Variants in RUFY4 observed in about 807,000 individuals in gnomAD.
RUFY4 encodes the protein RUN and FYVE domain containing 4.
A neutral mutation model predicts 69.0 loss-of-function variants in RUFY4; 73 were observed. That is an observed-to-expected ratio of 1.06 (90% CI 0.88 to 1.29). RUFY4 has a LOEUF of 1.29. Ranked by LOEUF, RUFY4 falls within the 50% of genes most tolerant of loss-of-function variation. RUFY4 has a pLI of 0.00. For synonymous variants in RUFY4, 287 were observed against 271.8 expected, an observed-to-expected ratio of 1.06 and a Z score of -0.55; for missense variants, 770 against 705.6, an observed-to-expected ratio of 1.09 and a Z score of -1.03.
intron 2 of RUFY4, among the ~76,000 whole-genome samples, chr2:218,037,793 T>C (rs1472446597): frequency 1.3e-5 from 2 of 152,198 alleles, no homozygotes; most frequent in Non-Finnish European, 2.9e-5. Flanking sequence ...AGCAAATCAC[T>C]ATATTACCAT....
chr2:218,051,826 T>G (rs1055957136), intron 2 of RUFY4, among the ~76,000 whole-genome samples: 1 of 152,234 alleles, frequency 6.6e-6, no homozygotes, highest in African/African-American at 2.4e-5. Flanking sequence ...TCTTAAAATA[T>G]TGATCTGCTT....
intron 9 of RUFY4, 89 bp from the exon 12 acceptor site, chr2:218,089,163 C>T (rs1689966769): frequency 2.0e-6 from 2 of 989,570 alleles, no homozygotes; most frequent in South Asian, 3.0e-5. Context: ...CCGTCTGTTC[C>T]TCTCTGTCTC....
At chr2:218,036,128 C>T (rs535520465) in intron 2 of RUFY4, among the ~76,000 whole-genome samples, 1 of 152,190 alleles carries the variant, frequency 6.6e-6, no homozygotes, top group African/African-American at 2.4e-5. Context: ...CTCTAGCCTC[C>T]CAGGGTTATG....
chr2:218,071,685 G>A (rs769381165), intron 2 of RUFY4, among the ~76,000 whole-genome samples: 1 of 152,086 alleles, frequency 6.6e-6, no homozygotes, highest in African/African-American at 2.4e-5. Context: ...TTTCTCCGTA[G>A]CAGTCATCAC....
At chr2:218,078,679 T>A (rs1689692212) in intron 8 of RUFY4, among the ~76,000 whole-genome samples, 1 of 152,150 alleles carries the variant, frequency 6.6e-6, no homozygotes, top group African/African-American at 2.4e-5. Flanking sequence ...TTTTAGTATA[T>A]TTAAGAGTTA....
At chr2:218,060,062 T>C in intron 3 of RUFY4, 277 of 245,764 alleles carry the variant, frequency 1.1e-3, no homozygotes, top group South Asian at 6.6e-3. Flanking sequence ...GAGTGTAGAT[T>C]TTCACTTCTT....
At chr2:218,040,964 C>T (rs1337423133) in intron 2 of RUFY4, among the ~76,000 whole-genome samples, 3 of 151,826 alleles carry the variant, frequency 2.0e-5, no homozygotes, top group Admixed American at 6.6e-5. Flanking sequence ...GCTGGATGTC[C>T]TTACAACCAA....
intron 2 of RUFY4, among the ~76,000 whole-genome samples, chr2:218,039,935 C>T (rs77847645): frequency 0.012 from 1,890 of 152,274 alleles, 39 homozygotes; most frequent in African/African-American, 0.042. Context: ...GTTGTCCAAA[C>T]GCAGCTCAAG....
intron 2 of RUFY4, among the ~76,000 whole-genome samples, chr2:218,038,675 G>T (rs1020119418): frequency 6.6e-6 from 1 of 152,130 alleles, no homozygotes; most frequent in Non-Finnish European, 1.5e-5. Context: ...AAAACATAGC[G>T]GGTGAGGGGT....
intron 2 of RUFY4, among the ~76,000 whole-genome samples, chr2:218,057,837 G>C (rs928819135): frequency 6.6e-6 from 1 of 152,292 alleles, no homozygotes. Flanking sequence ...TTTTAGCTTT[G>C]ACTTTAAACT....
chr2:218,045,541 A>G (rs1237923534), intron 2 of RUFY4, among the ~76,000 whole-genome samples: 1 of 152,194 alleles, frequency 6.6e-6, no homozygotes, highest in African/African-American at 2.4e-5. Context: ...AAAAAAACCA[A>G]CGTTTTAACA....
chr2:218,066,611 G>A (rs1055350158), upstream of RUFY4, among the ~76,000 whole-genome samples: 1 of 152,170 alleles, frequency 6.6e-6, no homozygotes, highest in Non-Finnish European at 1.5e-5. Flanking sequence ...GAGATTCAAT[G>A]ACGGTACAGA....
At chr2:218,078,900 T>C (rs969758425) in intron 8 of RUFY4, among the ~76,000 whole-genome samples, 1 of 152,178 alleles carries the variant, frequency 6.6e-6, no homozygotes, top group African/African-American at 2.4e-5. Flanking sequence ...AGAGTTTCGC[T>C]CTTGCTGCCC....
upstream of RUFY4, chr2:218,070,343 A>G (rs1043599614): frequency 2.0e-5 from 11 of 540,550 alleles, 1 homozygote; most frequent in Non-Finnish European, 3.7e-5. Context: ...TGGGACAAGG[A>G]CATCAAGTGT....
intron 3 of RUFY4, chr2:218,059,910 G>A (rs112072412): frequency 3.4e-4 from 58 of 169,762 alleles, no homozygotes; most frequent in African/African-American, 1.1e-3. Flanking sequence ...ACTGTCTTCC[G>A]CAGTGGCCAC....
chr2:218,069,763 C>A (rs1689437389), upstream of RUFY4, among the ~76,000 whole-genome samples: 1 of 152,134 alleles, frequency 6.6e-6, no homozygotes, highest in African/African-American at 2.4e-5. Flanking sequence ...CAGCCACAGC[C>A]CGGGAGGCAG....
chr2:218,083,323 C>T (rs905400068), intron 9 of RUFY4, 67 bp downstream of exon 11: 15 of 1,507,898 alleles, frequency 9.9e-6, no homozygotes, highest in Middle Eastern at 3.6e-4. Context: ...GAGCCCGGAG[C>T]GTGAAAATTC....
intron 3 of RUFY4, among the ~76,000 whole-genome samples, chr2:218,062,118 G>A (rs1278542974): frequency 6.6e-6 from 1 of 152,178 alleles, no homozygotes; most frequent in African/African-American, 2.4e-5. Flanking sequence ...ATGATAAGTG[G>A]GCCAGGCTCA....
At chr2:218,073,855 A>T (rs1283906267) in exon 6 of RUFY4, 2 of 1,613,786 alleles carry the variant, frequency 1.2e-6, no homozygotes, top group Non-Finnish European at 1.7e-6. Flanking sequence ...AGGGAAGGAG[A>T]CCCAGAAAAA....
Sources: allele counts gnomAD v4.1 joint callset (sites outside exome capture counted in the v4.1 genomes callset), GRCh38; gene constraint gnomAD v4.1.1; transcripts MANE v1.5; gene names NCBI Gene and HGNC (gene_info 2026-07-23, HGNC 2026-07-21).